WNK1: variants seen among roughly 807,000 people sequenced by gnomAD.
WNK1 encodes the protein serine/threonine-protein kinase WNK1.
Under a neutral mutation model 222.8 loss-of-function variants are expected in WNK1, and 38 were observed. The observed-to-expected ratio is 0.17, with a 90% CI of 0.13 to 0.22. WNK1 has a LOEUF of 0.22. Ranked by LOEUF, WNK1 falls within the 10% of genes least tolerant of loss-of-function variation. The probability of loss-of-function intolerance (pLI) is 1.00; values close to 1 mark genes in which losing one functional copy is unlikely to be tolerated. For missense variants in WNK1, 2,348 were observed against 2,918.4 expected (o/e 0.80, Z 4.50); for synonymous variants, 1,090 against 1,092.9 (o/e 1.00, Z 0.05).
intron 1 of WNK1, among the ~76,000 whole-genome samples, chr12:799,964 G>A (rs1281313430): frequency 2.6e-5 from 4 of 151,994 alleles, no homozygotes; most frequent in South Asian, 4.1e-4. Context: ...GGATTACACC[G>A]CGCTTGTCCT....
chr12:838,978 T>TA lies in WNK1; in HGVS notation c.1311+8819dup, dbSNP rs374404466. 4.0e-3 allele frequency among the ~76,000 whole-genome samples: 606 copies of TA among 152,286 alleles called. 4 individuals are homozygous for TA. The highest frequency in any genetic ancestry group is 0.031 in the South Asian group (151 of 4,826). On this transcript the variant is annotated intron_variant, in intron 4 of 27. Coordinates refer to ENST00000315939, the MANE Select transcript of WNK1 (RefSeq NM_018979.4). ...GATCCTAGATATTGAATATTATTGT[T>TA]ATGTCAAACACAGTCCCTGTCTCTA...
Position 773,650 on chromosome 12 carries a change from A to G in WNK1, c.759+19326A>G, listed in dbSNP as rs572226858. On this transcript the variant is annotated intron_variant, in intron 1 of 27. Coordinates refer to ENST00000315939, the MANE Select transcript of WNK1 (RefSeq NM_018979.4). ...ATGGATTTTAATATTTATTCACCAA[A>G]TGTTTATTGTACTCCTATGTGCTTG... 4.6e-5 allele frequency among the ~76,000 whole-genome samples: 7 copies of G among 152,260 alleles called. No individual in the cohort carries two copies. In the East Asian group the frequency reaches 1.2e-3, roughly 25 times the overall value.
chr12:766,652 T>G (rs28629956), intron 1 of WNK1, among the ~76,000 whole-genome samples: 2 of 151,920 alleles, frequency 1.3e-5, no homozygotes, highest in Non-Finnish European at 2.9e-5. Context: ...CTAATTTTTG[T>G]TTTTTTAGTA....
chr12:802,458 C>T (rs959415648), intron 1 of WNK1, among the ~76,000 whole-genome samples: 4 of 152,022 alleles, frequency 2.6e-5, no homozygotes, highest in Non-Finnish European at 2.9e-5. Context: ...TGTCAGACAG[C>T]GGGGTCATAA....
At position 883,095 on chromosome 12, in the gene WNK1, G is replaced by GAAAA. The variant is rs778836322; in HGVS notation, c.3489+36_3489+37insAAAA. The GAAAA allele has an allele frequency of 1.3e-5, 18 of 1,437,078 alleles. No homozygotes were observed. The African/African-American group carries it at 2.4e-4, about 19-fold the overall frequency. The allele number at this position is 1,437,078 out of a possible 1,614,324, so 89.0% of individuals were successfully genotyped here. On this transcript the variant is annotated intron_variant, in intron 15 of 27. Transcript: ENST00000315939. ...ATTTGGAGTTCTAGGTTTTTCCTTA[G>GAAAA]TACTTGATCTTAATAGCCATTGCTC...
chr12:808,340 T>A (rs1188120153), intron 1 of WNK1, among the ~76,000 whole-genome samples: 1 of 152,122 alleles, frequency 6.6e-6, no homozygotes. Context: ...TAGGCTGGTC[T>A]CAAGCTCCTG....
chr12:837,783 G>C (rs536895801), intron 4 of WNK1, among the ~76,000 whole-genome samples: 2 of 152,058 alleles, frequency 1.3e-5, no homozygotes, highest in Non-Finnish European at 2.9e-5. Flanking sequence ...TTTAACAACA[G>C]GTATGTGCAG....
intron 8 of WNK1, among the ~76,000 whole-genome samples, chr12:864,088 C>T (rs904005232): frequency 1.4e-5 from 2 of 147,732 alleles, no homozygotes; most frequent in African/African-American, 5.3e-5. Context: ...ATATTAAACC[C>T]TGTGCCTGAA....
intron 1 of WNK1, among the ~76,000 whole-genome samples, chr12:787,184 G>A (rs1944392027): frequency 6.6e-6 from 1 of 151,854 alleles, no homozygotes; most frequent in Non-Finnish European, 1.5e-5. Context: ...TACTTTTATA[G>A]GTGGTATTGT....
chr12:786,735 G>T (rs1311513025), intron 1 of WNK1, among the ~76,000 whole-genome samples: 1 of 152,018 alleles, frequency 6.6e-6, no homozygotes, highest in Admixed American at 6.6e-5. Context: ...CCAAAGTGCT[G>T]GGATTACCAG....
In WNK1 at chr12:871,176, A is replaced by G. The variant is rs1013432255; in HGVS notation, c.2140-89A>G. ...TTTCATTTTGATCAAGCAAACTCTG[A>G]GGAGATTAAATATTCATTGCAAAAG... On this transcript the variant is annotated intron_variant, in intron 8 of 27. Coordinates refer to ENST00000315939, the MANE Select transcript of WNK1 (RefSeq NM_018979.4). 9 of 1,223,670 alleles carry G rather than the reference A, an allele frequency of 7.4e-6. No homozygotes were observed. The African/African-American group carries it at 1.2e-4, about 16-fold the overall frequency. 75.8% of individuals were successfully genotyped at this position (1,223,670 alleles called of 1,614,324 possible).
intron 8 of WNK1, chr12:868,712 G>A (rs1381043968): frequency 6.2e-7 from 1 of 1,613,786 alleles, no homozygotes; most frequent in Non-Finnish European, 8.5e-7. Context: ...TCGGCAGGTT[G>A]CAGTGGACTT....
rs1483871160 is a variant in WNK1 at position 753,779 on chromosome 12, A to C, written c.214A>C (p.Thr72Pro). Reference protein sequence around the residue: ...DKDSRGAAATTTTTEHRFFRR... With the variant: ...DKDSRGAAATPTTTEHRFFRR... ...GGACAGCCGTGGGGCGGCCGCGACC[A>C]CTACCACCACTGAGCACCGCTTCTT... Residue 72 changes from threonine (T) to proline (P), a missense_variant, in exon 1 of 28, where the codon ACT becomes CCT. Thr to Pro is a conservative substitution (Grantham distance 38, BLOSUM62 -1). Transcript: ENST00000315939. This position sits in a 1 kb window ranked among gnomAD's most constrained non-coding sequence, Gnocchi z 5.2. The C allele has an allele frequency of 6.2e-7, 1 of 1,612,480 alleles. No homozygotes were observed. The highest frequency in any genetic ancestry group is 1.7e-5 in the Admixed American group (1 of 60,024).
At position 908,470 on chromosome 12, in the gene WNK1, T is replaced by C; in HGVS notation, c.6832-5T>C. The C allele has an allele frequency of 6.2e-7, 1 of 1,614,190 alleles. No homozygotes were observed. Among genetic ancestry groups the C allele is most frequent in the Non-Finnish European group, 8.5e-7 (1 of 1,180,028 alleles). ...AGACTTGACACGTGGTGGTTTTGTT[T>C]TCAGGGCCCTGGAATGGCAAGGAAG... On this transcript the variant is annotated splice_polypyrimidine_tract_variant and splice_region_variant and intron_variant, in intron 27 of 27. Coordinates refer to ENST00000315939, the MANE Select transcript of WNK1 (RefSeq NM_018979.4).
At chr12:804,416 G>GTTT (rs1190236230) in intron 1 of WNK1, among the ~76,000 whole-genome samples, 1 of 144,350 alleles carries the variant, frequency 6.9e-6, no homozygotes. Context: ...CAAACTGAAA[G>GTTT]TTTTTTTTTT....
Position 753,491 on chromosome 12 carries a change from C to T in WNK1, c.-75C>T, listed in dbSNP as rs1224619008. ...GGCCGCGGTTCCCTGCAGACCTCTG[C>T]GCGGGCGGCTCGGCCCTTCACGCCC... On this transcript the variant is annotated 5_prime_UTR_variant, in exon 1 of 28. Coordinates refer to ENST00000315939, the MANE Select transcript of WNK1 (RefSeq NM_018979.4). This position sits in a 1 kb window ranked among gnomAD's most constrained non-coding sequence, Gnocchi z 5.2. 2 of 1,595,066 alleles carry T rather than the reference C, an allele frequency of 1.3e-6. No individual in the cohort carries two copies. Among genetic ancestry groups the T allele is most frequent in the African/African-American group, 1.3e-5 (1 of 74,276 alleles).
intron 1 of WNK1, among the ~76,000 whole-genome samples, chr12:799,049 T>TC (rs1945619469): frequency 6.6e-6 from 1 of 152,114 alleles, no homozygotes. Context: ...GTAACAACCT[T>TC]CCCCCCGTCC....
At chr12:847,115 G>T (rs1272099360) in intron 4 of WNK1, among the ~76,000 whole-genome samples, 1 of 152,126 alleles carries the variant, frequency 6.6e-6, no homozygotes, top group Non-Finnish European at 1.5e-5. Context: ...CATTCCCAGT[G>T]TTTTAGGTAC....
At chr12:773,038 C>G (rs931349741) in intron 1 of WNK1, among the ~76,000 whole-genome samples, 1 of 152,166 alleles carries the variant, frequency 6.6e-6, no homozygotes, top group Admixed American at 6.5e-5. Context: ...GCGGGCAGAT[C>G]ACCTGAGGTC....
Sources: allele counts gnomAD v4.1 joint callset (sites outside exome capture counted in the v4.1 genomes callset), GRCh38; gene constraint gnomAD v4.1.1; non-coding constraint Gnocchi (gnomAD v3.1); transcripts MANE v1.5; gene names NCBI Gene and HGNC (gene_info 2026-07-23, HGNC 2026-07-21).